RMDN2: variants seen among roughly 807,000 people sequenced by gnomAD.
RMDN2 encodes regulator of microtubule dynamics protein 2.
RMDN2 carries 61 observed loss-of-function variants against 52.8 expected under a neutral mutation model. The ratio of observed to expected loss-of-function variants is 1.16; its 90% CI spans 0.94 to 1.43. The LOEUF is 1.43. RMDN2 is among the 40% of genes most tolerant of loss of function. The pLI is 0.00. For synonymous variants in RMDN2, 180 were observed against 153.1 expected (o/e 1.18, Z -1.30); for missense variants, 592 against 475.3 (o/e 1.25, Z -2.28).
intron 2 of RMDN2, among the ~76,000 whole-genome samples, chr2:37,932,331 C>G (rs1666831233): frequency 6.6e-6 from 1 of 151,976 alleles, no homozygotes; most frequent in Non-Finnish European, 1.5e-5. Flanking sequence ...TTAATCCATT[C>G]AACCCTGGGT....
At chr2:37,927,698 A>G (rs1228665164) in intron 1 of RMDN2, among the ~76,000 whole-genome samples, 1 of 152,264 alleles carries the variant, frequency 6.6e-6, no homozygotes, top group African/African-American at 2.4e-5. Context: ...AAAAATAAAG[A>G]TGATTAAACT....
intron 5 of RMDN2, among the ~76,000 whole-genome samples, chr2:37,986,917 G>A (rs748058813): frequency 3.3e-5 from 5 of 152,008 alleles, no homozygotes; most frequent in Non-Finnish European, 5.9e-5. Context: ...AAGATCAGGA[G>A]CAAGGTAAGG....
chr2:38,048,926 G>T (rs1210193122), intron 10 of RMDN2, among the ~76,000 whole-genome samples: 1 of 152,210 alleles, frequency 6.6e-6, no homozygotes, highest in Non-Finnish European at 1.5e-5. Context: ...AACTCATTAT[G>T]ATCATTCCAC....
chr2:37,940,492 G>A (rs1218974226), intron 2 of RMDN2, among the ~76,000 whole-genome samples: 1 of 152,132 alleles, frequency 6.6e-6, no homozygotes, highest in Non-Finnish European at 1.5e-5. Context: ...ACCTTGGTTC[G>A]ATTCTCGCTG....
chr2:38,006,056 G>A lies in RMDN2; in HGVS notation c.1179+1840G>A, dbSNP rs532332991. On this transcript the variant is annotated intron_variant, in intron 10 of 10. Coordinates refer to ENST00000354545, the MANE Select transcript of RMDN2 (RefSeq NM_001170791.3). ...CTGAGGGCTCTGTTCTGTTCCATTG[G>A]TCTATATCTCTGTTTTGGTACCAGT... 2.2e-4 allele frequency among the ~76,000 whole-genome samples: 34 copies of A among 152,234 alleles called. No individual in the cohort carries two copies. In the East Asian group the frequency reaches 3.3e-3, roughly 15 times the overall value.
chr2:38,022,670 G>C (rs553460740), downstream of RMDN2, among the ~76,000 whole-genome samples: 1 of 152,170 alleles, frequency 6.6e-6, no homozygotes, highest in African/African-American at 2.4e-5. Flanking sequence ...ATGTAATTGC[G>C]ATGTTATCTT....
chr2:37,943,421 G>A (rs1191978808), intron 2 of RMDN2, among the ~76,000 whole-genome samples: 2 of 152,158 alleles, frequency 1.3e-5, no homozygotes, highest in East Asian at 1.9e-4. Context: ...CAGGAATCCC[G>A]GTTCAGCCTT....
In RMDN2 at chr2:37,978,777, C is replaced by T. The variant is rs190753690; in HGVS notation, c.731-2506C>T. ...TGGGTAACAGAGCAAGACCCTTTCT[C>T]AGATAGATAGATAGATAGATAGATA... On this transcript the variant is annotated intron_variant, in intron 4 of 10. Coordinates refer to ENST00000354545, the MANE Select transcript of RMDN2 (RefSeq NM_001170791.3). Among the ~76,000 whole-genome samples the T allele has an allele frequency of 8.9e-4, 133 of 148,862 alleles. 1 individual carries two copies. Among genetic ancestry groups the T allele is most frequent in the Middle Eastern group, 3.4e-3 (1 of 292 alleles).
intron 7 of RMDN2, among the ~76,000 whole-genome samples, chr2:37,996,155 T>C (rs1001645291): frequency 6.6e-6 from 1 of 152,116 alleles, no homozygotes; most frequent in Non-Finnish European, 1.5e-5. Context: ...AATCTTAGAA[T>C]CATACCATTA....
At chr2:38,003,792 A>G (rs1676681981) in intron 8 of RMDN2, among the ~76,000 whole-genome samples, 199 bp from the exon 9 acceptor site, 1 of 152,240 alleles carries the variant, frequency 6.6e-6, no homozygotes, top group African/African-American at 2.4e-5. Flanking sequence ...TTTTATTTTA[A>G]TGGCTAAATG....
chr2:38,026,097 A>T (rs990112323), intron 10 of RMDN2, among the ~76,000 whole-genome samples: 2 of 152,108 alleles, frequency 1.3e-5, no homozygotes, highest in African/African-American at 4.8e-5. Context: ...TGTTGGGGGA[A>T]GTTTTCAAGT....
chr2:37,981,165 A>T (rs1261363986), intron 4 of RMDN2, 118 bp from the exon 5 acceptor site: 2 of 729,290 alleles, frequency 2.7e-6, no homozygotes, highest in Admixed American at 4.3e-5. Flanking sequence ...CAAAGTTGCC[A>T]TGTGATGCTG....
Position 38,011,828 on chromosome 2 carries a change from C to T in RMDN2, c.1180-5358C>T, listed in dbSNP as rs190254526. Among the ~76,000 whole-genome samples, 23 of 152,268 alleles carry T rather than the reference C, an allele frequency of 1.5e-4. No individual in the cohort carries two copies. The East Asian group carries it at 2.9e-3, about 19-fold the overall frequency. ...GGCACAAAAGTGAGAGAGCAAAGCT[C>T]GGTTTGCCTGGAGCAAAAGGAATGT... On this transcript the variant is annotated intron_variant, in intron 10 of 10. Transcript: ENST00000354545.
At chr2:37,924,968 A>G (rs1388318302), upstream of RMDN2, among the ~76,000 whole-genome samples, 3 of 152,160 alleles carry the variant, frequency 2.0e-5, no homozygotes, top group Non-Finnish European at 4.4e-5. Flanking sequence ...TAACTAGGGG[A>G]GAGGGAGTGG....
At chr2:37,958,190 T>G (rs972349154) in intron 2 of RMDN2, among the ~76,000 whole-genome samples, 10 of 152,188 alleles carry the variant, frequency 6.6e-5, no homozygotes, top group African/African-American at 2.4e-4. Flanking sequence ...AGAAAGTCAA[T>G]GGTAGCTTGA....
At chr2:38,065,390 AAAAG>A (rs1189901876) in intron 10 of RMDN2, among the ~76,000 whole-genome samples, 88 of 152,282 alleles carry the variant, frequency 5.8e-4, no homozygotes, top group African/African-American at 2.0e-3. Context: ...AAAAAAAAGA[AAAAG>A]AAAGAGGCTG....
chr2:37,992,165 T>C (rs1356505106), intron 7 of RMDN2, among the ~76,000 whole-genome samples: 1 of 152,226 alleles, frequency 6.6e-6, no homozygotes, highest in Non-Finnish European at 1.5e-5. Context: ...AGATTAAAAA[T>C]CTGAGTCTTC....
At chr2:37,953,880 A>T (rs1669140629) in intron 2 of RMDN2, among the ~76,000 whole-genome samples, 1 of 151,944 alleles carries the variant, frequency 6.6e-6, no homozygotes, top group African/African-American at 2.4e-5. Flanking sequence ...TTTTTGTTAT[A>T]GTAGCCATCC....
At chr2:37,969,078 A>G (rs1045616882) in intron 2 of RMDN2, among the ~76,000 whole-genome samples, 2 of 151,036 alleles carry the variant, frequency 1.3e-5, no homozygotes, top group African/African-American at 2.4e-5. Flanking sequence ...ACTAGCGTAC[A>G]TGTTCTCTTT....
Sources: allele counts gnomAD v4.1 joint callset (sites outside exome capture counted in the v4.1 genomes callset), GRCh38; gene constraint gnomAD v4.1.1; transcripts MANE v1.5; gene names NCBI Gene and HGNC (gene_info 2026-07-23, HGNC 2026-07-21).